Variants in MUC22 observed in about 807,000 individuals in gnomAD.
MUC22 encodes mucin-22.
MUC22 carries 24 observed loss-of-function variants against 40.3 expected under a neutral mutation model. The ratio of observed to expected loss-of-function variants is 0.60; its 90% CI spans 0.43 to 0.84. The LOEUF (loss-of-function observed/expected upper bound fraction) is 0.84. Among genes scored for constraint, MUC22 ranks in the 40% least tolerant of loss-of-function variants. The pLI is 0.00. For missense variants in MUC22, 1,926 were observed against 2,130.7 expected (o/e 0.90, Z 1.89); for synonymous variants, 765 against 844.5 (o/e 0.91, Z 1.63).
chr6:31,027,470 C>T (rs762376352), exon 2 of MUC22: 9 of 1,531,790 alleles, frequency 5.9e-6, no homozygotes, highest in South Asian at 1.2e-5. Flanking sequence ...GCAGTCTCCA[C>T]CACAGTCTTT....
intron 1 of MUC22, among the ~76,000 whole-genome samples, chr6:31,022,308 A>AT (rs1764884323): frequency 6.6e-6 from 1 of 152,120 alleles, no homozygotes; most frequent in Admixed American, 6.5e-5. Flanking sequence ...CAGGCATGTA[A>AT]TTAGCCACAC....
exon 4 of MUC22, chr6:31,034,891 T>C (rs1471365122): frequency 6.5e-7 from 1 of 1,535,448 alleles, no homozygotes; most frequent in Admixed American, 2.0e-5. Flanking sequence ...TGGAGATGGC[T>C]ACGGAGTGAA....
At chr6:31,008,410 T>C (rs1763648219), upstream of MUC22, among the ~76,000 whole-genome samples, 2 of 152,028 alleles carry the variant, frequency 1.3e-5, no homozygotes, top group African/African-American at 2.4e-5. Context: ...GAGGCATAAA[T>C]TCCCCCTCAG....
chr6:31,006,361 C>G (rs1284040971), upstream of MUC22, among the ~76,000 whole-genome samples: 1 of 152,174 alleles, frequency 6.6e-6, no homozygotes, highest in Non-Finnish European at 1.5e-5. Context: ...GACCATATGA[C>G]ATCCCAGAAA....
chr6:31,035,106 C>T (rs1429836781), exon 4 of MUC22: 4 of 745,218 alleles, frequency 5.4e-6, no homozygotes, highest in Admixed American at 2.9e-5. Context: ...GGAAGCTTCC[C>T]AGGATGTGAT....
At chr6:31,017,011 C>T (rs9262476) in intron 1 of MUC22, among the ~76,000 whole-genome samples, 6 of 152,156 alleles carry the variant, frequency 3.9e-5, no homozygotes, top group African/African-American at 7.2e-5. Context: ...CTCCAATTCT[C>T]GCCGGACCTC....
At position 31,026,166 on chromosome 6, in the gene MUC22, C is replaced by CA. The variant is rs1369781979; in HGVS notation, c.737dup (p.Val247GlyfsTer10). On this transcript the variant is annotated frameshift_variant, in exon 2 of 4. Transcript: ENST00000561890. LOFTEE classifies it high-confidence loss of function. Reference sequence around the variant, plus strand: ...CCACCACAACCTCAACTGCAGACTCCAAGGTGATCACGGCATCCAGCATGA... The same window carrying CA: ...CCACCACAACCTCAACTGCAGACTCCAAAGGTGATCACGGCATCCAGCATGA... 1 of 1,523,418 alleles carries CA rather than the reference C, an allele frequency of 6.6e-7. No homozygotes were observed. The highest frequency in any genetic ancestry group is 2.5e-5 in the East Asian group (1 of 40,314). The allele number at this position is 1,523,418 out of a possible 1,614,324, so 94.4% of individuals were successfully genotyped here.
chr6:31,032,704 G>T lies in MUC22; in HGVS notation c.5055+123G>T. 9.5e-7 allele frequency: 1 copy of T among 1,049,886 alleles called. No individual in the cohort carries two copies. The highest frequency in any genetic ancestry group is 1.3e-6 in the Non-Finnish European group (1 of 744,224). 65.0% of individuals were successfully genotyped at this position (1,049,886 alleles called of 1,614,324 possible). On this transcript the variant is annotated intron_variant, in intron 3 of 3. Coordinates refer to ENST00000561890, the Ensembl canonical transcript of MUC22. This position sits in a 1 kb window ranked among gnomAD's most constrained non-coding sequence, Gnocchi z 4.1. ...GTAAGTTGGTGCGCTCAGAAGGAAA[G>T]AATCACCTAGCCTGATATAAGGACC...
chr6:31,018,974 G>A (rs906282532), intron 1 of MUC22, among the ~76,000 whole-genome samples: 23 of 152,156 alleles, frequency 1.5e-4, no homozygotes, highest in African/African-American at 5.1e-4. Flanking sequence ...CCAGACAAGC[G>A]ATCTCAGTCA....
At chr6:31,034,983 C>A (rs560553679) in exon 4 of MUC22, 2 of 1,510,984 alleles carry the variant, frequency 1.3e-6, no homozygotes, top group African/African-American at 2.8e-5. Flanking sequence ...AAGGAGGCCA[C>A]GGCAGGACAA....
At chr6:31,026,103 G>C (rs62399431) in exon 2 of MUC22, 214,010 of 1,535,122 alleles carry the variant, frequency 0.14, 16,229 homozygotes, top group Admixed American at 0.18. Context: ...CAGGTTCTGA[G>C]ACCACCACTA....
At position 31,032,074 on chromosome 6, in the gene MUC22, A is replaced by C. The variant is rs1766103029; in HGVS notation, c.4670-122A>C. 9.2e-7 allele frequency: 1 copy of C among 1,084,332 alleles called. No homozygotes were observed. The highest frequency in any genetic ancestry group is 1.3e-6 in the Non-Finnish European group (1 of 778,932). 67.2% of individuals were successfully genotyped at this position (1,084,332 alleles called of 1,614,324 possible). On this transcript the variant is annotated intron_variant, in intron 2 of 3. Coordinates refer to ENST00000561890, the Ensembl canonical transcript of MUC22. The surrounding 1 kb of genome is among the most constrained non-coding windows in gnomAD (Gnocchi z 4.1). ...TCTACCATCTCTCCTCCCCCACCAC[A>C]CCTCTCCTGAGCCACCTCCACCATA...
At chr6:31,019,749 G>T (rs2150760532) in intron 1 of MUC22, among the ~76,000 whole-genome samples, 1 of 152,320 alleles carries the variant, frequency 6.6e-6, no homozygotes, top group Admixed American at 6.5e-5. Flanking sequence ...AGCTACTCAG[G>T]AGGCTGAGGC....
chr6:31,017,822 C>G (rs1289450503), intron 1 of MUC22, among the ~76,000 whole-genome samples: 6 of 152,228 alleles, frequency 3.9e-5, no homozygotes, highest in East Asian at 1.9e-4. Context: ...GCAGGCTGCC[C>G]TGAGCCAGCA....
At chr6:31,027,816 C>A (rs1373471572) in exon 2 of MUC22, 7 of 1,534,804 alleles carry the variant, frequency 4.6e-6, no homozygotes, top group Non-Finnish European at 6.1e-6. Context: ...GCTCTGAGAC[C>A]ACTACAGTTT....
exon 4 of MUC22, chr6:31,035,238 C>T (rs1766370957): frequency 4.9e-6 from 2 of 406,968 alleles, no homozygotes; most frequent in Non-Finnish European, 8.7e-6. Context: ...GTCTCAGCCT[C>T]TGTTGTGGGG....
At chr6:31,029,746 TCCACTGCAGGCTCTGAGACCACCA>T in exon 2 of MUC22, 2 of 1,531,144 alleles carry the variant, frequency 1.3e-6, no homozygotes, top group South Asian at 2.4e-5. Context: ...CACCACAGCC[TCCACTGCAGGCTCTGAGACCACCA>T]CAGCCTCCAC....
At chr6:31,027,178 TCTGAGACAATCAGAGCCTCTA>T (rs1190655073) in exon 2 of MUC22, 1 of 1,502,484 alleles carries the variant, frequency 6.7e-7, no homozygotes, top group East Asian at 2.5e-5. Flanking sequence ...TGCTGCAGGC[TCTGAGACAATCAGAGCCTCTA>T]CCGTAGGCTC....
chr6:31,026,182 T>C (rs1259459281), exon 2 of MUC22: 1 of 1,522,634 alleles, frequency 6.6e-7, no homozygotes, highest in African/African-American at 1.4e-5. Flanking sequence ...GATCACGGCA[T>C]CCAGCATGAG....
Sources: allele counts gnomAD v4.1 joint callset (sites outside exome capture counted in the v4.1 genomes callset), GRCh38; gene constraint gnomAD v4.1.1; non-coding constraint Gnocchi (gnomAD v3.1); transcripts MANE v1.5; gene names NCBI Gene and HGNC (gene_info 2026-07-23, HGNC 2026-07-21).